The following TSBP1 variants were observed in gnomAD, a reference collection of about 807,000 sequenced individuals.
The protein encoded by TSBP1 is testis-expressed basic protein 1.
In TSBP1, 56 loss-of-function variants were observed where a neutral mutation model predicts 68.8. The ratio of observed to expected loss-of-function variants is 0.81; its 90% CI spans 0.66 to 1.02. TSBP1 has a LOEUF of 1.02. Ranked by LOEUF, TSBP1 falls within the 50% of genes least tolerant of loss-of-function variation. The pLI is 0.00. For missense variants in TSBP1, 502 were observed against 641.2 expected (o/e 0.78, Z 2.34); for synonymous variants, 171 against 208.7 (o/e 0.82, Z 1.56).
At position 32,325,213 on chromosome 6, in the gene TSBP1, G is replaced by T; in HGVS notation, c.515-1599C>A. 1.5e-6 allele frequency: 1 copy of T among 654,530 alleles called. No individual in the cohort carries two copies. The highest frequency in any genetic ancestry group is 2.2e-5 in the South Asian group (1 of 44,474). 40.5% of individuals were successfully genotyped at this position (654,530 alleles called of 1,614,324 possible). On this transcript the variant is annotated intron_variant, in intron 16 of 22. Coordinates refer to ENST00000612031, the Ensembl canonical transcript of TSBP1. This position sits in a 1 kb window ranked among gnomAD's most constrained non-coding sequence, Gnocchi z 4.4. The stretch of plus-strand genomic sequence containing the variant: ...CATCATTAAAGTCTCTCTTCTCCTG[G>T]CCGTCTTATCTAAGTCAGAGTCTCC...
chr6:32,315,794 TA>T lies in TSBP1; in HGVS notation c.560-3del. On this transcript the variant is annotated splice_polypyrimidine_tract_variant and splice_region_variant and intron_variant, in intron 18 of 22. Coordinates refer to ENST00000612031, the Ensembl canonical transcript of TSBP1. The surrounding 1 kb of genome is among the most constrained non-coding windows in gnomAD (Gnocchi z 5.4). ...TACTTGCAGTTCTCTGCGAAATTAC[TA>T]AAAAATAAGCAAAAAGAAATCCATT... 2.0e-6 allele frequency: 3 copies of T among 1,501,626 alleles called. No homozygotes were observed. The highest frequency in any genetic ancestry group is 1.4e-5 in the African/African-American group (1 of 72,304). The allele number at this position is 1,501,626 out of a possible 1,614,324, so 93.0% of individuals were successfully genotyped here.
chr6:32,297,999 G>A (rs1764885842), intron 22 of TSBP1, among the ~76,000 whole-genome samples: 1 of 152,130 alleles, frequency 6.6e-6, no homozygotes, highest in Admixed American at 6.5e-5. Context: ...AGATTAAACA[G>A]ATTTTTCTCT....
At chr6:32,324,348 C>T (rs1767970748) in intron 16 of TSBP1, 2 of 476,900 alleles carry the variant, frequency 4.2e-6, no homozygotes, top group African/African-American at 2.0e-5. Flanking sequence ...ACCATTTTTT[C>T]CCTTTTTAAG....
intron 6 of TSBP1, among the ~76,000 whole-genome samples, chr6:32,359,007 C>T (rs1453746931): frequency 1.1e-4 from 16 of 150,404 alleles, no homozygotes; most frequent in Non-Finnish European, 2.1e-4. Context: ...CATGCTGGTG[C>T]GCTGCACCCA....
chr6:32,326,046 G>A (rs1005990381), intron 16 of TSBP1: 10 of 1,495,926 alleles, frequency 6.7e-6, no homozygotes, highest in East Asian at 2.3e-5. Flanking sequence ...GACCCATGAA[G>A]GGAGGAAACT....
intron 1 of TSBP1, among the ~76,000 whole-genome samples, chr6:32,371,432 G>A (rs1343924469): frequency 6.6e-6 from 1 of 152,178 alleles, no homozygotes; most frequent in Non-Finnish European, 1.5e-5. Context: ...CTAGTGCTAC[G>A]GAGGATGGTT....
rs574450726 is a variant in TSBP1, at chr6:32,342,034, A to G, written c.350-2396T>C. On this transcript the variant is annotated intron_variant, in intron 9 of 22. Coordinates refer to ENST00000612031, the Ensembl canonical transcript of TSBP1. The stretch of plus-strand genomic sequence containing the variant: ...TCATTCCTGTCACAGTCTTCCCTTC[A>G]TTTAGAAAATGTGTTCTTTTTTTTT... Among the ~76,000 whole-genome samples, 54 of 141,232 alleles carry G rather than the reference A, an allele frequency of 3.8e-4. 2 individuals are homozygous for G. The South Asian group carries it at 0.012, about 32-fold the overall frequency. The allele number at this position is 141,232 out of a possible 152,430, so 92.7% of individuals were successfully genotyped here. A position where few individuals can be genotyped will look rare whatever the true frequency, so the allele number is the denominator to read the frequency against.
Position 32,315,741 on chromosome 6 carries a change from C to T in TSBP1, c.580+31G>A. The T allele has an allele frequency of 6.9e-7, 1 of 1,452,164 alleles. No individual in the cohort carries two copies. The highest frequency in any genetic ancestry group is 9.3e-7 in the Non-Finnish European group (1 of 1,075,502). The allele number at this position is 1,452,164 out of a possible 1,614,324, so 90.0% of individuals were successfully genotyped here. The stretch of plus-strand genomic sequence containing the variant: ...TGGAAACATCTAACATAAATCTCCA[C>T]ATATGACCAGCTGAGAAATAAAGAA... On this transcript the variant is annotated intron_variant, in intron 19 of 22. Transcript: ENST00000612031. The surrounding 1 kb of genome is among the most constrained non-coding windows in gnomAD (Gnocchi z 5.4).
intron 15 of TSBP1, among the ~76,000 whole-genome samples, 194 bp downstream of exon 16, chr6:32,331,840 C>T (rs1168094326): frequency 1.3e-5 from 2 of 152,256 alleles, no homozygotes; most frequent in Non-Finnish European, 2.9e-5. Flanking sequence ...GCTGTACAGC[C>T]GCCACTCTCT....
rs577940238 is a variant in TSBP1 at position 32,343,494 on chromosome 6, T to C, written c.350-3856A>G. ...CAGCTTTACTATATTTCCAATATTC[T>C]GATTTCATTCACCACCTTTCTCCTG... On this transcript the variant is annotated intron_variant, in intron 9 of 22. Transcript: ENST00000612031. The surrounding 1 kb of genome is among the most constrained non-coding windows in gnomAD (Gnocchi z 4.3). Among the ~76,000 whole-genome samples, 1 of 152,358 alleles carries C rather than the reference T, an allele frequency of 6.6e-6. No homozygotes were observed. Among genetic ancestry groups the C allele is most frequent in the South Asian group, 2.1e-4 (1 of 4,830 alleles).
At chr6:32,293,667 A>C (rs757738275) in exon 23 of TSBP1, 9 of 1,611,632 alleles carry the variant, frequency 5.6e-6, no homozygotes, top group Non-Finnish European at 7.6e-6. Context: ...TTTACTTGGG[A>C]CTCCTGTCCT....
At position 32,362,620 on chromosome 6, in the gene TSBP1, T is replaced by C. The variant is rs1041141271; in HGVS notation, c.217+3547A>G. Among the ~76,000 whole-genome samples the C allele has an allele frequency of 2.6e-5, 4 of 152,248 alleles. No individual in the cohort carries two copies. In the South Asian group the frequency reaches 8.3e-4, roughly 32 times the overall value. On this transcript the variant is annotated intron_variant, in intron 6 of 22. Transcript: ENST00000612031. ...GAGTTGGCTTTCATTTTGTTGATTG[T>C]TTCCTTTGTTGTCCAGAAACAATTT...
rs1027834715 is a variant in TSBP1, at chr6:32,316,268, C to T, written c.560-476G>A. Reference sequence around the variant, plus strand: ...TTTAATTAGTGTTTAAAAAGATTCTCTGTAATATAGACCATGTAGGGTAAT... The same window carrying T: ...TTTAATTAGTGTTTAAAAAGATTCTTTGTAATATAGACCATGTAGGGTAAT... On this transcript the variant is annotated intron_variant, in intron 18 of 22. Coordinates refer to ENST00000612031, the Ensembl canonical transcript of TSBP1. This position sits in a 1 kb window ranked among gnomAD's most constrained non-coding sequence, Gnocchi z 4.5. 11 of 704,012 alleles carry T rather than the reference C, an allele frequency of 1.6e-5. No individual in the cohort carries two copies. In the African/African-American group the frequency reaches 1.8e-4, roughly 12 times the overall value. 43.6% of individuals were successfully genotyped at this position (704,012 alleles called of 1,614,324 possible).
intron 19 of TSBP1, among the ~76,000 whole-genome samples, chr6:32,305,850 GA>G (rs1242422436): frequency 1.3e-5 from 2 of 152,218 alleles, no homozygotes; most frequent in Non-Finnish European, 2.9e-5. Context: ...AGGCAAATTG[GA>G]ACTGAGAAAC....
At position 32,337,544 on chromosome 6, in the gene TSBP1, A is replaced by G. The variant is rs2127607638; in HGVS notation, c.410-909T>C. On this transcript the variant is annotated intron_variant, in intron 11 of 22. Coordinates refer to ENST00000612031, the Ensembl canonical transcript of TSBP1. This position sits in a 1 kb window ranked among gnomAD's most constrained non-coding sequence, Gnocchi z 5.5. ...AGAGTAACTTGGCCTGCCATGTAAA[A>G]GGGAATAGAAACTGCTAGGTTGACT... Among the ~76,000 whole-genome samples the G allele has an allele frequency of 6.6e-6, 1 of 152,320 alleles. No individual in the cohort carries two copies. Among genetic ancestry groups the G allele is most frequent in the Non-Finnish European group, 1.5e-5 (1 of 68,028 alleles).
rs1769290553 is a variant in TSBP1 at position 32,333,443 on chromosome 6, A to G, written c.473-1389T>C. The stretch of plus-strand genomic sequence containing the variant: ...AGTGTAGTGACCCATGTATTTGGTC[A>G]TATTCCTTACGGGATCCCTGCAGGT... On this transcript the variant is annotated intron_variant, in intron 14 of 22. Transcript: ENST00000612031. This position sits in a 1 kb window ranked among gnomAD's most constrained non-coding sequence, Gnocchi z 4.2. Among the ~76,000 whole-genome samples the G allele has an allele frequency of 6.6e-6, 1 of 152,182 alleles. No individual in the cohort carries two copies. The highest frequency in any genetic ancestry group is 1.5e-5 in the Non-Finnish European group (1 of 68,020).
chr6:32,315,833 A>G lies in TSBP1; in HGVS notation c.560-41T>C. 7.6e-7 allele frequency: 1 copy of G among 1,320,190 alleles called. No homozygotes were observed. Among genetic ancestry groups the G allele is most frequent in the African/African-American group, 1.5e-5 (1 of 68,354 alleles). The allele number at this position is 1,320,190 out of a possible 1,614,324, so 81.8% of individuals were successfully genotyped here. On this transcript the variant is annotated intron_variant, in intron 18 of 22. Transcript: ENST00000612031. The surrounding 1 kb of genome is among the most constrained non-coding windows in gnomAD (Gnocchi z 5.4). ...AAAGAAATCCATTTAATTTTTCTCA[A>G]ATGGAGAAAACATAGCATTATCTAA...
chr6:32,339,076 G>A, intron 10 of TSBP1, 77 bp from the exon 12 acceptor site: 1 of 1,147,964 alleles, frequency 8.7e-7, no homozygotes, highest in East Asian at 2.3e-5. Flanking sequence ...TTCAGATCAA[G>A]CATTTACTAC....
At chr6:32,358,910 T>TTTA (rs9281749) in intron 6 of TSBP1, among the ~76,000 whole-genome samples, 1,976 of 148,090 alleles carry the variant, frequency 0.013, 36 homozygotes, top group African/African-American at 0.035. Flanking sequence ...CATGATTTGT[T>TTTA]TTATTATTAT....
Sources: allele counts gnomAD v4.1 joint callset (sites outside exome capture counted in the v4.1 genomes callset), GRCh38; gene constraint gnomAD v4.1.1; non-coding constraint Gnocchi (gnomAD v3.1); transcripts MANE v1.5; gene names NCBI Gene and HGNC (gene_info 2026-07-23, HGNC 2026-07-21).